The following CUX1 variants were observed in gnomAD, a reference collection of about 807,000 sequenced individuals.
The protein encoded by CUX1 is cut like homeobox 1, also known as protein CASP.
CUX1 carries 31 observed loss-of-function variants against 158.8 expected under a neutral mutation model. The observed-to-expected ratio is 0.20, with a 90% CI of 0.15 to 0.26. The LOEUF (loss-of-function observed/expected upper bound fraction) is 0.26, where lower values mean the gene tolerates loss of function less well. Ranked by LOEUF, CUX1 falls within the 10% of genes least tolerant of loss-of-function variation. The probability of loss-of-function intolerance (pLI) is 1.00; values close to 1 mark genes in which losing one functional copy is unlikely to be tolerated. For missense variants in CUX1, 1,589 were observed against 2,014.6 expected (o/e 0.79, Z 4.04); for synonymous variants, 879 against 862.1 (o/e 1.02, Z -0.34).
chr7:102,178,525 G>A lies in CUX1; in HGVS notation c.885G>A (p.Lys295=), dbSNP rs1792651425. The A allele has an allele frequency of 5.6e-6, 9 of 1,613,394 alleles. No homozygotes were observed. Among genetic ancestry groups the A allele is most frequent in the Non-Finnish European group, 7.6e-6 (9 of 1,179,480 alleles). The part of the protein sequence containing the change: ...RSSLEVELAA[K]EREIAQLVED... ...GCCTAGAAGTTGAGTTGGCCGCCAA[G>A]GAGCGGGAGATCGCACAGCTGGTGG... is the stretch of plus-strand genomic sequence containing the variant. Residue 295 remains lysine (K), a synonymous_variant, in exon 11 of 24, where the codon AAG becomes AAA. Coordinates refer to ENST00000292535, the MANE Select transcript of CUX1 (RefSeq NM_181552.4).
chr7:102,081,492 C>T lies in CUX1; in HGVS notation c.268+11075C>T, dbSNP rs1386572831. Among the ~76,000 whole-genome samples, 2 of 146,964 alleles carry T rather than the reference C, an allele frequency of 1.4e-5. 1 individual carries two copies. Among genetic ancestry groups the T allele is most frequent in the Non-Finnish European group, 3.1e-5 (2 of 64,998 alleles). On this transcript the variant is annotated intron_variant, in intron 4 of 23. Transcript: ENST00000292535. The stretch of plus-strand genomic sequence containing the variant: ...AGTGTTTGGCAGTTCCACCTTCGCT[C>T]ATCTCTCTCCTGCCACTTTGTGAAG...
chr7:102,272,704 TCA>T (rs1262524980), intron 14 of CUX1, among the ~76,000 whole-genome samples: 3 of 152,146 alleles, frequency 2.0e-5, no homozygotes, highest in Non-Finnish European at 2.9e-5. Flanking sequence ...GGCAGGAAAG[TCA>T]CAGTTTGGAT....
At chr7:102,195,425 G>A in intron 13 of CUX1, 82 bp from the exon 14 acceptor site, 4 of 1,100,508 alleles carry the variant, frequency 3.6e-6, no homozygotes, top group Non-Finnish European at 5.2e-6. Flanking sequence ...CAGATGGAGG[G>A]AGGCAGGGCT....
At chr7:102,014,906 C>T (rs995148654) in intron 2 of CUX1, among the ~76,000 whole-genome samples, 2 of 151,642 alleles carry the variant, frequency 1.3e-5, no homozygotes, top group Non-Finnish European at 2.9e-5. Flanking sequence ...GTGAGGTTAC[C>T]GCTTAGCTCT....
chr7:101,857,655 C>T (rs1382581119), intron 1 of CUX1, among the ~76,000 whole-genome samples: 2 of 152,206 alleles, frequency 1.3e-5, no homozygotes, highest in Non-Finnish European at 2.9e-5. Flanking sequence ...GGTCGGATGA[C>T]CCCCTTTGCC....
intron 1 of CUX1, among the ~76,000 whole-genome samples, chr7:101,827,476 T>A (rs1793472667): frequency 6.6e-6 from 1 of 152,012 alleles, no homozygotes; most frequent in Non-Finnish European, 1.5e-5. Flanking sequence ...GGCTAATTTT[T>A]AATTTTTTTC....
intron 9 of CUX1, among the ~76,000 whole-genome samples, chr7:102,166,862 G>T (rs1018093631): frequency 6.6e-6 from 1 of 152,098 alleles, no homozygotes; most frequent in Non-Finnish European, 1.5e-5. Context: ...TGAAAGTAAC[G>T]AAGGCAAGCC....
chr7:102,165,105 T>G (rs149657028), intron 9 of CUX1, among the ~76,000 whole-genome samples: 20 of 151,772 alleles, frequency 1.3e-4, no homozygotes, highest in Non-Finnish European at 2.5e-4. Flanking sequence ...CACAGCCACC[T>G]CTCCACAGGT....
chr7:102,003,295 A>AACACACAC (rs56760446), intron 2 of CUX1, among the ~76,000 whole-genome samples: 25,709 of 131,688 alleles, frequency 0.2, 2,759 homozygotes, highest in Non-Finnish European at 0.24. Context: ...CCTGGTGCCG[A>AACACACAC]ACACACACAC....
At chr7:102,079,768 C>G (rs1554477933) in intron 4 of CUX1, among the ~76,000 whole-genome samples, 1 of 152,124 alleles carries the variant, frequency 6.6e-6, no homozygotes, top group East Asian at 1.9e-4. Flanking sequence ...CCAAACAAAA[C>G]AGGACAGAAA....
At chr7:101,907,188 T>A (rs1416757393) in intron 1 of CUX1, among the ~76,000 whole-genome samples, 1 of 152,244 alleles carries the variant, frequency 6.6e-6, no homozygotes, top group Non-Finnish European at 1.5e-5. Flanking sequence ...TTCTGCAAGA[T>A]TCTCCTTTAA....
chr7:101,873,178 C>CTTTTT (rs35246188), intron 1 of CUX1, among the ~76,000 whole-genome samples: 1 of 119,698 alleles, frequency 8.4e-6, no homozygotes. Flanking sequence ...GCCTCAGCTT[C>CTTTTT]TTTTTTTTTT....
At chr7:102,069,301 G>A (rs1025321290) in intron 3 of CUX1, among the ~76,000 whole-genome samples, 2 of 152,036 alleles carry the variant, frequency 1.3e-5, no homozygotes, top group Non-Finnish European at 2.9e-5. Context: ...GTCCAGCTGC[G>A]TCACCCACAG....
At chr7:102,195,369 C>T (rs549993716) in intron 13 of CUX1, 138 bp from the exon 14 acceptor site, 128 of 596,446 alleles carry the variant, frequency 2.1e-4, no homozygotes, top group Non-Finnish European at 3.5e-4. Flanking sequence ...ATCAGCTGTC[C>T]GCAGCCCACT....
At chr7:102,176,833 A>G (rs1196292002) in intron 10 of CUX1, among the ~76,000 whole-genome samples, 1 of 151,710 alleles carries the variant, frequency 6.6e-6, no homozygotes, top group Non-Finnish European at 1.5e-5. Context: ...TCTGCCTCCC[A>G]AAGTGCTTGG....
chr7:101,848,051 C>CAAAAAAAAAAAAAT (rs1795879026), intron 1 of CUX1, among the ~76,000 whole-genome samples: 1 of 65,378 alleles, frequency 1.5e-5, no homozygotes, highest in Admixed American at 2.1e-4. Flanking sequence ...GAGCAAGACT[C>CAAAAAAAAAAAAAT]AAAAAAAAAA....
intron 22 of CUX1, among the ~76,000 whole-genome samples, chr7:102,237,953 CAA>C (rs1445910551): frequency 2.0e-5 from 3 of 152,130 alleles, no homozygotes; most frequent in Non-Finnish European, 4.4e-5. Context: ...AGAGAGGAGA[CAA>C]AGAGAGAAAC....
intron 12 of CUX1, among the ~76,000 whole-genome samples, chr7:102,190,756 C>T (rs1275899230): frequency 2.6e-5 from 4 of 152,148 alleles, no homozygotes; most frequent in African/African-American, 9.7e-5. Context: ...GTTACCCCAA[C>T]CACTATCCAC....
intron 1 of CUX1, among the ~76,000 whole-genome samples, chr7:101,841,987 T>C (rs967678949): frequency 1.3e-5 from 2 of 152,238 alleles, no homozygotes. Context: ...GCTTTCATTT[T>C]TATTCATTTT....
Sources: gnomAD v4.1 joint callset for allele counts (sites outside exome capture counted in the v4.1 genomes callset) on GRCh38, gnomAD v4.1.1 for gene constraint, MANE v1.5 for transcripts, NCBI Gene and HGNC (gene_info 2026-07-23, HGNC 2026-07-21) for gene names.